APPL2: variants seen among roughly 807,000 people sequenced by gnomAD.
The protein encoded by APPL2 is DCC-interacting protein 13-beta.
Under a neutral mutation model 92.7 loss-of-function variants are expected in APPL2, and 84 were observed. The ratio of observed to expected loss-of-function variants is 0.91; its 90% CI spans 0.76 to 1.09. The LOEUF (loss-of-function observed/expected upper bound fraction) is 1.09, where lower values mean the gene tolerates loss of function less well. Among genes scored for constraint, APPL2 ranks in the 50% least tolerant of loss-of-function variants. The pLI is 0.00. For missense variants in APPL2, 736 were observed against 824.5 expected (o/e 0.89, Z 1.31); for synonymous variants, 291 against 291.0 (o/e 1.00, Z 0.00).
chr12:105,203,584 G>T, intron 9 of APPL2, 119 bp downstream of exon 9: 1 of 847,854 alleles, frequency 1.2e-6, no homozygotes, highest in Non-Finnish European at 1.9e-6. Context: ...GCATTTCTGG[G>T]GTGGACAGAG....
intron 17 of APPL2, among the ~76,000 whole-genome samples, chr12:105,182,486 T>C (rs1346313392): frequency 6.6e-6 from 1 of 152,252 alleles, no homozygotes; most frequent in Non-Finnish European, 1.5e-5. Context: ...AATTTATTTA[T>C]TTTTGCCTTA....
chr12:105,225,930 G>A (rs1413801954), intron 2 of APPL2, among the ~76,000 whole-genome samples: 1 of 152,142 alleles, frequency 6.6e-6, no homozygotes, highest in Non-Finnish European at 1.5e-5. Flanking sequence ...TATCTTTTAT[G>A]AACACTTATC....
chr12:105,191,571 G>C (rs539671713), intron 14 of APPL2, among the ~76,000 whole-genome samples: 2 of 152,284 alleles, frequency 1.3e-5, no homozygotes, highest in East Asian at 3.9e-4. Flanking sequence ...AGGTTGTAGA[G>C]GGCCCTTATA....
At chr12:105,204,765 C>T (rs1888555215) in intron 8 of APPL2, among the ~76,000 whole-genome samples, 1 of 152,210 alleles carries the variant, frequency 6.6e-6, no homozygotes, top group Non-Finnish European at 1.5e-5. Context: ...CATGTCTTAG[C>T]TCCTCTGCTA....
chr12:105,225,008 T>G (rs1432282048), intron 2 of APPL2, among the ~76,000 whole-genome samples: 1 of 152,178 alleles, frequency 6.6e-6, no homozygotes, highest in Non-Finnish European at 1.5e-5. Context: ...AGATCAACTT[T>G]CAGGATCAGT....
chr12:105,178,175 A>T (rs547393075), intron 17 of APPL2, among the ~76,000 whole-genome samples: 8 of 152,334 alleles, frequency 5.3e-5, no homozygotes, highest in Non-Finnish European at 1.2e-4. Flanking sequence ...ATATGAGAGA[A>T]TTTATTGCTA....
At chr12:105,184,093 G>GT (rs1886375291) in intron 17 of APPL2, among the ~76,000 whole-genome samples, 1 of 152,130 alleles carries the variant, frequency 6.6e-6, no homozygotes, top group Non-Finnish European at 1.5e-5. Context: ...CTCGTGCTGT[G>GT]TTTTTCATCT....
At chr12:105,174,914 C>G (rs1172733885) in intron 20 of APPL2, among the ~76,000 whole-genome samples, 1 of 143,974 alleles carries the variant, frequency 6.9e-6, no homozygotes, top group Non-Finnish European at 1.5e-5. Context: ...GACAGAGTCT[C>G]GCTCTATCGC....
In APPL2 at chr12:105,174,885, G is replaced by GGGGC. The variant is rs951706174; in HGVS notation, c.1861-438_1861-437insGCCC. 1.2e-3 allele frequency among the ~76,000 whole-genome samples: 177 copies of GGGGC among 142,706 alleles called. 9 individuals carry two copies. The highest frequency in any genetic ancestry group is 4.4e-3 in the African/African-American group (176 of 39,900). 93.6% of individuals were successfully genotyped at this position (142,706 alleles called of 152,430 possible). The stretch of plus-strand genomic sequence containing the variant: ...TGCTGCTTTTTTTTGGTGGGGGGGG[G>GGGGC]GGTGGTGCGGCGGTTGGAGACAGAG... On this transcript the variant is annotated intron_variant, in intron 20 of 20. Transcript: ENST00000258530.
intron 2 of APPL2, among the ~76,000 whole-genome samples, chr12:105,224,513 AG>A (rs1336571476): frequency 6.6e-6 from 1 of 152,196 alleles, no homozygotes; most frequent in Non-Finnish European, 1.5e-5. Flanking sequence ...GAGCGAACGC[AG>A]GCTTTGCAGT....
At chr12:105,221,343 C>T (rs1470304397) in intron 2 of APPL2, among the ~76,000 whole-genome samples, 2 of 152,206 alleles carry the variant, frequency 1.3e-5, no homozygotes, top group African/African-American at 4.8e-5. Context: ...TTAATCCTCA[C>T]AGTGCACCCA....
At chr12:105,225,160 A>AC (rs1890399061) in intron 2 of APPL2, among the ~76,000 whole-genome samples, 1 of 151,972 alleles carries the variant, frequency 6.6e-6, no homozygotes, top group Non-Finnish European at 1.5e-5. Flanking sequence ...ACTTAAAAAA[A>AC]AAAAAGCAAA....
intron 17 of APPL2, among the ~76,000 whole-genome samples, chr12:105,182,391 G>A (rs1321391192): frequency 6.6e-6 from 1 of 152,174 alleles, no homozygotes; most frequent in East Asian, 1.9e-4. Context: ...TTTTTCCTGT[G>A]TGCATTTAGT....
rs547400095 is a variant in APPL2 at position 105,178,833 on chromosome 12, A to G, written c.1635-1571T>C. Among the ~76,000 whole-genome samples the G allele has an allele frequency of 3.9e-5, 6 of 152,348 alleles. No homozygotes were observed. In the South Asian group the frequency reaches 1.0e-3, roughly 26 times the overall value. ...GTCCCTATTAATGGGCATGAATTTA[A>G]TTTTTTGAATATAGATCATAAACAG... is the stretch of plus-strand genomic sequence containing the variant. On this transcript the variant is annotated intron_variant, in intron 17 of 20. Coordinates refer to ENST00000258530, the MANE Select transcript of APPL2 (RefSeq NM_018171.5).
chr12:105,228,917 T>C (rs1052104240), intron 2 of APPL2, among the ~76,000 whole-genome samples: 2 of 152,226 alleles, frequency 1.3e-5, no homozygotes, highest in Non-Finnish European at 2.9e-5. Flanking sequence ...CTCTAATGGT[T>C]CTAATTAAAG....
chr12:105,197,901 C>T lies in APPL2; in HGVS notation c.916G>A (p.Gly306Ser), dbSNP rs771540695. The T allele has an allele frequency of 6.2e-7, 1 of 1,614,146 alleles. No individual in the cohort carries two copies. Among genetic ancestry groups the T allele is most frequent in the Non-Finnish European group, 8.5e-7 (1 of 1,180,030 alleles). Residue 306 changes from glycine (G) to serine (S), a missense_variant, in exon 11 of 21, where the codon GGC (glycine) becomes AGC (serine). Coordinates refer to ENST00000258530, the MANE Select transcript of APPL2 (RefSeq NM_018171.5). ...CTGGGCTGACACATGAGATTCCCGC[C>T]TTGGGTGAAGAAATAAAGCCTCTCC... The part of the protein sequence containing the change: ...TWERLYFFTQ[G>S]GNLMCQPRGA...
chr12:105,174,334 C>T lies in APPL2; in HGVS notation c.1975G>A (p.Gly659Ser). The change falls in exon 21 of 21, where the codon GGC becomes AGC. Residue 659 changes from glycine (G) to serine (S), a missense_variant. Gly to Ser is a moderately conservative substitution (Grantham distance 56). Coordinates refer to ENST00000258530, the MANE Select transcript of APPL2 (RefSeq NM_018171.5). ...DDDGNPNEHR[G>S]AESEA Reference sequence around the variant, plus strand: ...GTGAGTTATGCTTCGGATTCTGCGCCTCTATGTTCGTTTGGATTTCCATCA... The same window carrying T: ...GTGAGTTATGCTTCGGATTCTGCGCTTCTATGTTCGTTTGGATTTCCATCA... 2.5e-6 allele frequency: 4 copies of T among 1,613,928 alleles called. No homozygotes were observed. Among genetic ancestry groups the T allele is most frequent in the Non-Finnish European group, 3.4e-6 (4 of 1,179,934 alleles).
Position 105,203,693 on chromosome 12 carries a change from G to A in APPL2, c.704+10C>T, listed in dbSNP as rs780730435. On this transcript the variant is annotated intron_variant, in intron 9 of 20. Transcript: ENST00000258530. ...GGGGCACACAAGACCCGGCCGGAGT[G>A]CAGCATTACCTTTGAACCATGTCTG... 1.2e-6 allele frequency: 2 copies of A among 1,613,826 alleles called. No individual in the cohort carries two copies. Among genetic ancestry groups the A allele is most frequent in the African/African-American group, 1.3e-5 (1 of 75,046 alleles).
chr12:105,184,448 T>C (rs769946386), intron 17 of APPL2, among the ~76,000 whole-genome samples: 23 of 152,228 alleles, frequency 1.5e-4, no homozygotes, highest in South Asian at 1.0e-3. Context: ...GGTTTTTGTG[T>C]AGTCATCCTT....
Sources: allele counts gnomAD v4.1 joint callset (sites outside exome capture counted in the v4.1 genomes callset), GRCh38; gene constraint gnomAD v4.1.1; transcripts MANE v1.5; gene names NCBI Gene and HGNC (gene_info 2026-07-23, HGNC 2026-07-21).